DPP10: variants seen among roughly 807,000 people sequenced by gnomAD.
DPP10 encodes inactive dipeptidyl peptidase 10.
In DPP10, 33 loss-of-function variants were observed where a neutral mutation model predicts 120.9. The observed-to-expected ratio is 0.27, with a 90% CI of 0.21 to 0.37. The LOEUF is 0.37. Ranked by LOEUF, DPP10 falls within the 10% of genes least tolerant of loss-of-function variation. DPP10 has a pLI of 1.00. For missense variants in DPP10, 816 were observed against 942.8 expected (o/e 0.87, Z 1.76); for synonymous variants, 337 against 326.1 (o/e 1.03, Z -0.36).
At chr2:115,777,067 T>C (rs538069969) in intron 13 of DPP10, 141 bp from the exon 14 acceptor site, 2 of 686,820 alleles carry the variant, frequency 2.9e-6, no homozygotes, top group Non-Finnish European at 5.0e-6. Context: ...TGCATGTTCA[T>C]TCTTGAGCTG....
chr2:114,988,161 G>A (rs989218172), intron 1 of DPP10, among the ~76,000 whole-genome samples: 1 of 152,084 alleles, frequency 6.6e-6, no homozygotes, highest in Non-Finnish European at 1.5e-5. Context: ...AATGTCTGGC[G>A]CAGTACTCAA....
At chr2:114,564,818 A>G (rs559234416) in intron 1 of DPP10, among the ~76,000 whole-genome samples, 48 of 152,338 alleles carry the variant, frequency 3.2e-4, no homozygotes, top group African/African-American at 1.0e-3. Flanking sequence ...AAACTGGTAC[A>G]AGGAGTCTAC....
rs143884030 is a variant in DPP10 at position 115,057,930 on chromosome 2, G to C, written c.61-251309G>C. Reference sequence around the variant, plus strand: ...GAAGTTTGACTGGAACTAGGTACAAGCCTACTTTTTCTTTGATTTACTTAC... The same window carrying C: ...GAAGTTTGACTGGAACTAGGTACAACCCTACTTTTTCTTTGATTTACTTAC... On this transcript the variant is annotated intron_variant, in intron 1 of 25. Coordinates refer to ENST00000410059, the MANE Select transcript of DPP10 (RefSeq NM_020868.6). Among the ~76,000 whole-genome samples, 19 of 152,304 alleles carry C rather than the reference G, an allele frequency of 1.2e-4. 1 individual carries two copies. In the East Asian group the frequency reaches 3.7e-3, roughly 29 times the overall value.
intron 1 of DPP10, chr2:115,297,360 C>T (rs141678262): frequency 6.8e-5 from 20 of 292,216 alleles, no homozygotes; most frequent in Admixed American, 4.0e-4. Context: ...TATTTTCTAT[C>T]GCTCTACAAT....
rs552772759 is a variant in DPP10 at position 114,662,327 on chromosome 2, T to G, written c.60+219489T>G. ...AATCTCCTCGGCACGCGGGCCTCCC[T>G]GCGGGGGCGCGGGCACCGCTGCGCG... On this transcript the variant is annotated intron_variant, in intron 1 of 25. Transcript: ENST00000410059. Among the ~76,000 whole-genome samples the G allele has an allele frequency of 7.2e-5, 11 of 152,272 alleles. 1 individual carries two copies. In the South Asian group the frequency reaches 1.2e-3, roughly 17 times the overall value.
intron 1 of DPP10, among the ~76,000 whole-genome samples, chr2:114,614,223 C>A (rs1298017213): frequency 6.6e-6 from 1 of 152,140 alleles, no homozygotes; most frequent in Non-Finnish European, 1.5e-5. Context: ...CTCCACATCA[C>A]CGGATTTTTG....
intron 1 of DPP10, chr2:115,064,857 G>C: frequency 7.7e-7 from 1 of 1,301,086 alleles, no homozygotes; most frequent in Non-Finnish European, 1.0e-6. Context: ...CAGGGTTTCT[G>C]ATTGGGTTTC....
intron 1 of DPP10, among the ~76,000 whole-genome samples, chr2:114,559,735 T>C (rs1688606044): frequency 6.6e-6 from 1 of 151,472 alleles, no homozygotes; most frequent in African/African-American, 2.4e-5. Context: ...AGATCAGAGA[T>C]CCATGGAAGG....
intron 8 of DPP10, 84 bp from the exon 9 acceptor site, chr2:115,739,655 A>G (rs977595586): frequency 7.2e-7 from 1 of 1,398,500 alleles, no homozygotes; most frequent in Non-Finnish European, 1.0e-6. Flanking sequence ...ATAGGTGTAC[A>G]ATGGAGATTT....
At chr2:114,668,970 C>T (rs559018522) in intron 1 of DPP10, among the ~76,000 whole-genome samples, 2 of 152,038 alleles carry the variant, frequency 1.3e-5, no homozygotes, top group African/African-American at 2.4e-5. Context: ...TGTCTATTTC[C>T]CTGTCTTCTG....
chr2:115,485,911 A>C (rs961900340), intron 3 of DPP10, among the ~76,000 whole-genome samples: 2 of 152,138 alleles, frequency 1.3e-5, no homozygotes, highest in African/African-American at 4.8e-5. Flanking sequence ...GAGAGTGTTA[A>C]GCTTTTGAAA....
At chr2:115,143,113 A>G (rs1280709148) in intron 1 of DPP10, among the ~76,000 whole-genome samples, 1 of 152,188 alleles carries the variant, frequency 6.6e-6, no homozygotes, top group Admixed American at 6.5e-5. Context: ...TCTCCCAGCT[A>G]GATTCACATG....
At chr2:114,910,184 T>C (rs1319706090) in intron 1 of DPP10, among the ~76,000 whole-genome samples, 1 of 151,910 alleles carries the variant, frequency 6.6e-6, no homozygotes, top group Admixed American at 6.6e-5. Flanking sequence ...ATATAATTTA[T>C]ATTTTATGAC....
At chr2:114,740,396 T>C (rs1244921850) in intron 1 of DPP10, among the ~76,000 whole-genome samples, 5 of 142,072 alleles carry the variant, frequency 3.5e-5, no homozygotes, top group Admixed American at 7.0e-5. Context: ...TTAGGAGATA[T>C]ACCTAATGCT....
intron 1 of DPP10, among the ~76,000 whole-genome samples, chr2:114,527,043 C>G (rs1685562143): frequency 1.3e-5 from 2 of 152,182 alleles, no homozygotes; most frequent in South Asian, 4.1e-4. Context: ...ATAATTTACA[C>G]TCCCTTTTCC....
intron 1 of DPP10, among the ~76,000 whole-genome samples, chr2:114,961,979 A>G (rs537855027): frequency 6.6e-6 from 1 of 152,188 alleles, no homozygotes; most frequent in East Asian, 1.9e-4. Flanking sequence ...TAAAAAATAA[A>G]AGGTACTCAG....
At chr2:115,429,735 T>TCTC (rs2307605) in intron 3 of DPP10, among the ~76,000 whole-genome samples, 95,657 of 151,710 alleles carry the variant, frequency 0.63, 30,854 homozygotes, top group Middle Eastern at 0.74. Context: ...AACATAAACT[T>TCTC]CTCAGAAGAG....
At chr2:114,507,039 T>C (rs1332956210) in intron 1 of DPP10, among the ~76,000 whole-genome samples, 3 of 136,322 alleles carry the variant, frequency 2.2e-5, no homozygotes, top group Admixed American at 7.0e-5. Context: ...TTCTTTTTTT[T>C]CTTTTTTTTT....
intron 1 of DPP10, among the ~76,000 whole-genome samples, chr2:115,071,607 A>G (rs971832032): frequency 1.3e-5 from 2 of 152,064 alleles, no homozygotes; most frequent in Non-Finnish European, 2.9e-5. Flanking sequence ...CCTGAAGGTT[A>G]ATTTCCCTAG....
Sources: allele counts gnomAD v4.1 joint callset (sites outside exome capture counted in the v4.1 genomes callset), GRCh38; gene constraint gnomAD v4.1.1; transcripts MANE v1.5; gene names NCBI Gene and HGNC (gene_info 2026-07-23, HGNC 2026-07-21).